Variants in USH2A observed in about 807,000 individuals in gnomAD.
USH2A encodes usherin, also known as Usher syndrome 2A (autosomal recessive, mild).
Under a neutral mutation model 538.9 loss-of-function variants are expected in USH2A, and 443 were observed. The ratio of observed to expected loss-of-function variants is 0.82; its 90% CI spans 0.76 to 0.89. The LOEUF (loss-of-function observed/expected upper bound fraction) is 0.89, where lower values mean the gene tolerates loss of function less well. Ranked by LOEUF, USH2A falls within the 40% of genes least tolerant of loss-of-function variation. The probability of loss-of-function intolerance (pLI) is 0.00; values close to 1 mark genes in which losing one functional copy is unlikely to be tolerated. For synonymous variants in USH2A, 2,413 were observed against 2,273.5 expected (o/e 1.06, Z -1.75); for missense variants, 6,633 against 6,324.8 (o/e 1.05, Z -1.65).
intron 64 of USH2A, among the ~76,000 whole-genome samples, chr1:215,661,654 C>T (rs1657441269): frequency 6.6e-6 from 1 of 152,132 alleles, no homozygotes; most frequent in African/African-American, 2.4e-5. Context: ...CTAAGAGAGG[C>T]TTCTAAACAT....
intron 59 of USH2A, among the ~76,000 whole-genome samples, chr1:215,742,158 GA>G (rs1437735920): frequency 6.6e-6 from 1 of 151,986 alleles, no homozygotes; most frequent in Non-Finnish European, 1.5e-5. Flanking sequence ...ATTTTTTAGA[GA>G]AAAAAGGACA....
rs767613433 is a variant in USH2A at position 215,786,848 on chromosome 1, G to A, written c.10209C>T (p.Cys3403=). The A allele has an allele frequency of 6.2e-7, 1 of 1,613,908 alleles. No homozygotes were observed. Among genetic ancestry groups the A allele is most frequent in the South Asian group, 1.1e-5 (1 of 91,080 alleles). ...MKETKECRIL[C]PASMEATEHC... is the part of the protein sequence containing the mutation. ...GTTCTGTGGCTTCCATAGATGCTGG[G>A]CAGAGGATCCTGCACTCTTTGGTTT... The change falls in exon 52 of 72, where the codon TGC becomes TGT. Residue 3403 remains cysteine (C), a synonymous_variant. Transcript: ENST00000307340.
intron 40 of USH2A, among the ~76,000 whole-genome samples, chr1:215,893,763 C>G (rs892648195): frequency 1.3e-5 from 2 of 152,012 alleles, no homozygotes; most frequent in African/African-American, 4.8e-5. Context: ...AGGGGAGATT[C>G]GAGAGCTTAA....
chr1:216,150,824 T>G (rs2033817081), intron 21 of USH2A, among the ~76,000 whole-genome samples: 1 of 152,146 alleles, frequency 6.6e-6, no homozygotes, highest in South Asian at 2.1e-4. Flanking sequence ...GGAATTCCCC[T>G]GGGTAACCTT....
intron 37 of USH2A, among the ~76,000 whole-genome samples, chr1:215,939,978 T>A (rs1666596465): frequency 6.6e-6 from 1 of 152,104 alleles, no homozygotes; most frequent in Non-Finnish European, 1.5e-5. Flanking sequence ...GGCATTAACA[T>A]CCTGATATCT....
chr1:215,693,949 T>C (rs1658707970), intron 61 of USH2A, among the ~76,000 whole-genome samples: 1 of 152,224 alleles, frequency 6.6e-6, no homozygotes, highest in African/African-American at 2.4e-5. Context: ...GAATCCAATT[T>C]GTTTGAACTT....
intron 30 of USH2A, among the ~76,000 whole-genome samples, chr1:216,066,228 T>C (rs942263241): frequency 2.0e-5 from 3 of 152,068 alleles, no homozygotes; most frequent in Admixed American, 6.6e-5. Context: ...CCCAGCACTT[T>C]GGGAGGCCAA....
At chr1:216,180,972 C>T (rs1341159395) in intron 20 of USH2A, among the ~76,000 whole-genome samples, 1 of 152,094 alleles carries the variant, frequency 6.6e-6, no homozygotes, top group Non-Finnish European at 1.5e-5. Flanking sequence ...AGCTGCTCAC[C>T]AATCAGTGTC....
intron 50 of USH2A, among the ~76,000 whole-genome samples, chr1:215,798,088 T>G (rs1662197112): frequency 6.6e-6 from 1 of 152,140 alleles, no homozygotes; most frequent in South Asian, 2.1e-4. Context: ...GAAAAATAAC[T>G]GCAGATGCAG....
intron 21 of USH2A, among the ~76,000 whole-genome samples, chr1:216,134,997 A>G (rs1558276470): frequency 6.6e-6 from 1 of 152,200 alleles, no homozygotes; most frequent in East Asian, 1.9e-4. Context: ...GCAGATCATA[A>G]TCTAGCCATC....
rs752295772 is a variant in USH2A, at chr1:216,083,510, T to C, written c.5244A>G (p.Gln1748=). Residue 1748 remains glutamine (Q), a synonymous_variant, in exon 26 of 72, where the codon CAA becomes CAG. Transcript: ENST00000307340. ...FEISFKFRTD[Q]LNGLLLFVYN... Reference sequence around the variant, plus strand: ...AAACGAAAAGAAGCAATCCATTTAATTGGTCAGTTCTGAACTTAAAGGAAA... The same window carrying C: ...AAACGAAAAGAAGCAATCCATTTAACTGGTCAGTTCTGAACTTAAAGGAAA... 10 of 1,612,660 alleles carry C rather than the reference T, an allele frequency of 6.2e-6. No homozygotes were observed. The South Asian group carries it at 1.1e-4, about 18-fold the overall frequency.
intron 35 of USH2A, among the ~76,000 whole-genome samples, chr1:215,984,344 C>T (rs1243530273): frequency 6.6e-6 from 1 of 152,174 alleles, no homozygotes; most frequent in Non-Finnish European, 1.5e-5. Flanking sequence ...GGGTCAGGTT[C>T]TGGCTTAATT....
chr1:216,200,159 T>C (rs549911483), intron 16 of USH2A, 38 bp from the exon 17 acceptor site: 224 of 1,591,006 alleles, frequency 1.4e-4, no homozygotes, highest in Non-Finnish European at 1.9e-4. Context: ...AAGTTACATT[T>C]CACAAGTTGG....
At chr1:216,032,342 C>T (rs1669147438) in intron 32 of USH2A, among the ~76,000 whole-genome samples, 1 of 152,076 alleles carries the variant, frequency 6.6e-6, no homozygotes, top group African/African-American at 2.4e-5. Flanking sequence ...TTTTTATATG[C>T]ACTATCACAT....
At chr1:216,050,685 A>G (rs1414156637) in intron 30 of USH2A, among the ~76,000 whole-genome samples, 1 of 146,430 alleles carries the variant, frequency 6.8e-6, no homozygotes, top group African/African-American at 2.5e-5. Flanking sequence ...GCTCACTGCA[A>G]GCTCTGCCTC....
At chr1:215,969,372 G>A (rs966226530) in intron 36 of USH2A, among the ~76,000 whole-genome samples, 2 of 152,022 alleles carry the variant, frequency 1.3e-5, no homozygotes, top group African/African-American at 2.4e-5. Flanking sequence ...TAAGGTTAAC[G>A]TAGCTACTGT....
rs138972248 is a variant in USH2A at position 215,764,245 on chromosome 1, A to C, written c.11047+2436T>G. ...TATAGTGTAAAGAGTAGAGGAAAAA[A>C]CCAAGGGTGTGTAAACGTTAAAAGA... On this transcript the variant is annotated intron_variant, in intron 56 of 71. Coordinates refer to ENST00000307340, the MANE Select transcript of USH2A (RefSeq NM_206933.4). Among the ~76,000 whole-genome samples the C allele has an allele frequency of 2.0e-5, 3 of 152,214 alleles. No individual in the cohort carries two copies. In the East Asian group the frequency reaches 5.8e-4, roughly 29 times the overall value.
intron 69 of USH2A, among the ~76,000 whole-genome samples, chr1:215,635,796 C>T (rs532986638): frequency 2.0e-5 from 3 of 152,156 alleles, no homozygotes; most frequent in South Asian, 2.1e-4. Flanking sequence ...CCTCATGATC[C>T]GCCTGCCTCG....
chr1:216,230,158 A>G (rs1447622040), intron 14 of USH2A, among the ~76,000 whole-genome samples: 1 of 152,112 alleles, frequency 6.6e-6, no homozygotes, highest in Non-Finnish European at 1.5e-5. Flanking sequence ...CTCCTGGTAA[A>G]TGTGGTCAGA....
Sources: allele counts gnomAD v4.1 joint callset (sites outside exome capture counted in the v4.1 genomes callset), GRCh38; gene constraint gnomAD v4.1.1; transcripts MANE v1.5; gene names NCBI Gene and HGNC (gene_info 2026-07-23, HGNC 2026-07-21).